The following SIMC1 variants were observed in gnomAD, a reference collection of about 807,000 sequenced individuals.
The protein encoded by SIMC1 is SUMO interacting motifs containing 1.
A neutral mutation model predicts 82.3 loss-of-function variants in SIMC1; 55 were observed. That is an observed-to-expected ratio of 0.67 (90% CI 0.54 to 0.84). SIMC1 has a LOEUF of 0.84. Among genes scored for constraint, SIMC1 ranks in the 40% least tolerant of loss-of-function variants. The pLI is 0.00. For synonymous variants in SIMC1, 353 were observed against 426.3 expected (o/e 0.83, Z 2.12); for missense variants, 915 against 1,107.2 (o/e 0.83, Z 2.46).
intron 4 of SIMC1, chr5:176,308,311 C>A: frequency 6.9e-7 from 1 of 1,456,772 alleles, no homozygotes; most frequent in South Asian, 1.1e-5. Flanking sequence ...TAACGACGTT[C>A]TGATAAGAGG....
chr5:176,301,058 C>CAG (rs1764020089), intron 4 of SIMC1, among the ~76,000 whole-genome samples: 1 of 152,144 alleles, frequency 6.6e-6, no homozygotes, highest in African/African-American at 2.4e-5. Context: ...TTGCAAAAAA[C>CAG]CGGAGAGATA....
intron 4 of SIMC1, among the ~76,000 whole-genome samples, chr5:176,297,538 ACT>A (rs965231228): frequency 2.7e-4 from 40 of 149,938 alleles, no homozygotes; most frequent in African/African-American, 7.6e-4. Flanking sequence ...CGTTGAATGA[ACT>A]CTCTGTAATA....
In SIMC1 at chr5:176,310,860, G is replaced by T. The variant is rs187105642; in HGVS notation, c.1735-2831G>T. Among the ~76,000 whole-genome samples, 594 of 152,186 alleles carry T rather than the reference G, an allele frequency of 3.9e-3. 15 individuals are homozygous for T. Among genetic ancestry groups the T allele is most frequent in the Admixed American group, 0.037 (558 of 15,278 alleles). ...AATCTGGTGATAATGAATAAAGTCT[G>T]TAGTCTAGATAGCAAAAAATAAAAA... On this transcript the variant is annotated intron_variant, in intron 4 of 9. Coordinates refer to ENST00000429602, the MANE Select transcript of SIMC1 (RefSeq NM_001308195.2).
At chr5:176,281,284 G>T (rs1304996372) in intron 1 of SIMC1, among the ~76,000 whole-genome samples, 1 of 152,156 alleles carries the variant, frequency 6.6e-6, no homozygotes, top group Non-Finnish European at 1.5e-5. Flanking sequence ...AGCTCCATCA[G>T]CTCCTTTAAG....
In SIMC1 at chr5:176,296,265, A is replaced by G. The variant is rs750473723; in HGVS notation, c.1679A>G (p.Asn560Ser). 6.8e-6 allele frequency: 11 copies of G among 1,613,176 alleles called. No individual in the cohort carries two copies. Among genetic ancestry groups the G allele is most frequent in the Middle Eastern group, 1.6e-4 (1 of 6,072 alleles). ...LMKIQQLHPA[N>S]AKTVEWDWKL... Reference sequence around the variant, plus strand: ...TTGACTTTCAGGCTACATCCAGCCAATGCCAAGACAGTGGAGTGGGACTGG... The same window carrying G: ...TTGACTTTCAGGCTACATCCAGCCAGTGCCAAGACAGTGGAGTGGGACTGG... Residue 560 changes from asparagine (N) to serine (S), a missense_variant, in exon 4 of 10, where the codon AAT (asparagine) becomes AGT (serine). Asn to Ser is a conservative substitution (Grantham distance 46, BLOSUM62 1). Coordinates refer to ENST00000429602, the MANE Select transcript of SIMC1 (RefSeq NM_001308195.2).
At chr5:176,288,235 T>C (rs77538936) in intron 1 of SIMC1, among the ~76,000 whole-genome samples, 1 of 152,074 alleles carries the variant, frequency 6.6e-6, no homozygotes, top group South Asian at 2.1e-4. Context: ...TGGTGAAACC[T>C]CATCTCTACT....
At chr5:176,251,050 T>C (rs2113118708) in intron 1 of SIMC1, among the ~76,000 whole-genome samples, 1 of 152,088 alleles carries the variant, frequency 6.6e-6, no homozygotes, top group South Asian at 2.1e-4. Flanking sequence ...TTCTTCATAG[T>C]GTTGATGGTT....
intron 4 of SIMC1, chr5:176,308,596 C>G (rs1465371831): frequency 6.3e-7 from 1 of 1,582,686 alleles, no homozygotes; most frequent in Non-Finnish European, 8.7e-7. Context: ...TCCATACAGG[C>G]CCAAAAGAGT....
At chr5:176,317,612 A>G (rs964371750) in intron 5 of SIMC1, among the ~76,000 whole-genome samples, 14 of 152,100 alleles carry the variant, frequency 9.2e-5, no homozygotes, top group Admixed American at 8.5e-4. Context: ...TATCATTAAT[A>G]TATTATAATT....
chr5:176,273,097 T>C (rs1762518354), intron 1 of SIMC1, among the ~76,000 whole-genome samples: 1 of 152,204 alleles, frequency 6.6e-6, no homozygotes, highest in East Asian at 1.9e-4. Flanking sequence ...TTCTCCCAGC[T>C]TGGAGTTTGA....
At chr5:176,276,228 C>A (rs1041266943) in intron 1 of SIMC1, among the ~76,000 whole-genome samples, 14 of 151,526 alleles carry the variant, frequency 9.2e-5, no homozygotes, top group Admixed American at 3.3e-4. Flanking sequence ...GGAATTTATC[C>A]ATTTCTTCTA....
chr5:176,336,484 G>A lies in SIMC1; in HGVS notation c.2172-236G>A, dbSNP rs562636036. Reference sequence around the variant, plus strand: ...ACAATGTGTAGTAATTATTTTTAATGTGTCCTAAACTTGTCTTTGTCAAAT... The same window carrying A: ...ACAATGTGTAGTAATTATTTTTAATATGTCCTAAACTTGTCTTTGTCAAAT... On this transcript the variant is annotated intron_variant, in intron 7 of 9. Coordinates refer to ENST00000429602, the MANE Select transcript of SIMC1 (RefSeq NM_001308195.2). 2.6e-5 allele frequency among the ~76,000 whole-genome samples: 4 copies of A among 152,244 alleles called. No homozygotes were observed. In the South Asian group the frequency reaches 8.3e-4, roughly 32 times the overall value.
rs559579463 is a variant in SIMC1, at chr5:176,275,402, A to G, written c.130-14252A>G. On this transcript the variant is annotated intron_variant, in intron 1 of 9. Transcript: ENST00000429602. ...GACAATGGGCTTTTCTAAATATACAATCATGTCATCTGCAAACAAGGACAA... is the reference window on the plus strand; with the variant it reads ...GACAATGGGCTTTTCTAAATATACAGTCATGTCATCTGCAAACAAGGACAA... Among the ~76,000 whole-genome samples, 12 of 152,018 alleles carry G rather than the reference A, an allele frequency of 7.9e-5. No homozygotes were observed. The South Asian group carries it at 2.3e-3, about 29-fold the overall frequency.
intron 1 of SIMC1, among the ~76,000 whole-genome samples, chr5:176,282,419 G>T (rs576273230): frequency 2.0e-5 from 3 of 152,228 alleles, no homozygotes; most frequent in Non-Finnish European, 4.4e-5. Flanking sequence ...TTCGGCTCGC[G>T]CATGGTGCGC....
chr5:176,287,838 GAAAATGAAATA>G (rs1329972424), intron 1 of SIMC1, among the ~76,000 whole-genome samples: 1 of 151,940 alleles, frequency 6.6e-6, no homozygotes, highest in African/African-American at 2.4e-5. Flanking sequence ...TGGACAATTG[GAAAATGAAATA>G]AAAATACATT....
intron 1 of SIMC1, among the ~76,000 whole-genome samples, chr5:176,270,911 G>A (rs974164235): frequency 2.0e-5 from 3 of 152,196 alleles, no homozygotes; most frequent in African/African-American, 7.2e-5. Context: ...CACAAGGACT[G>A]CAATTCCTGC....
At chr5:176,281,380 C>T (rs1487877856) in intron 1 of SIMC1, among the ~76,000 whole-genome samples, 2 of 152,082 alleles carry the variant, frequency 1.3e-5, no homozygotes, top group Non-Finnish European at 2.9e-5. Flanking sequence ...GTTTGAATAT[C>T]CTCCTGTAGC....
In SIMC1 at chr5:176,308,173, G is replaced by C. The variant is rs1404227667; in HGVS notation, c.1735-5518G>C. On this transcript the variant is annotated intron_variant, in intron 4 of 9. Coordinates refer to ENST00000429602, the MANE Select transcript of SIMC1 (RefSeq NM_001308195.2). ...CAGAGAAGGAGGAAGTGATGGGGCT[G>C]TGGATAGGGGAGTTGAACAATGATA... The C allele has an allele frequency of 5.7e-6, 7 of 1,226,704 alleles. No individual in the cohort carries two copies. The Admixed American group carries it at 1.3e-4, about 23-fold the overall frequency. The allele number at this position is 1,226,704 out of a possible 1,614,324, so 76.0% of individuals were successfully genotyped here.
chr5:176,277,107 C>T (rs1196506097), intron 1 of SIMC1, among the ~76,000 whole-genome samples: 1 of 151,942 alleles, frequency 6.6e-6, no homozygotes, highest in African/African-American at 2.4e-5. Context: ...TCTCCAGCAC[C>T]TGTCGTTTCC....
Sources: allele counts gnomAD v4.1 joint callset (sites outside exome capture counted in the v4.1 genomes callset), GRCh38; gene constraint gnomAD v4.1.1; transcripts MANE v1.5; gene names NCBI Gene and HGNC (gene_info 2026-07-23, HGNC 2026-07-21).